The following PCDHA9 variants were observed in gnomAD, a reference collection of about 807,000 sequenced individuals.
The protein encoded by PCDHA9 is protocadherin alpha 9.
A neutral mutation model predicts 62.0 loss-of-function variants in PCDHA9; 62 were observed. The observed-to-expected ratio is 1.00, with a 90% CI of 0.81 to 1.23. PCDHA9 has a LOEUF of 1.23. Among genes scored for constraint, PCDHA9 ranks in the 50% most tolerant of loss-of-function variants. The probability of loss-of-function intolerance (pLI) is 0.00; values close to 1 mark genes in which losing one functional copy is unlikely to be tolerated. For synonymous variants in PCDHA9, 557 were observed against 567.6 expected (o/e 0.98, Z 0.27); for missense variants, 1,205 against 1,249.8 (o/e 0.96, Z 0.54).
chr5:140,967,927 C>T (rs782426020), intron 1 of PCDHA9: 3 of 1,614,228 alleles, frequency 1.9e-6, no homozygotes, highest in Non-Finnish European at 2.5e-6. Context: ...TGGCCGTTCT[C>T]AGTGTCAATG....
chr5:140,857,662 T>C lies in PCDHA9; in HGVS notation c.2394+6773T>C, dbSNP rs782577621. The C allele has an allele frequency of 7.5e-6, 12 of 1,596,412 alleles. 2 individuals are homozygous for C. The highest frequency in any genetic ancestry group is 6.7e-5 in the African/African-American group (5 of 74,166). On this transcript the variant is annotated intron_variant, in intron 1 of 3. Transcript: ENST00000532602. ...TACAGTTCCAGGTGAGCGCGCGCGA[T>C]GGGGGCGTGCCGCCTCTGGGCAGCA...
chr5:140,883,227 T>C (rs1367769120), intron 1 of PCDHA9: 2 of 1,613,830 alleles, frequency 1.2e-6, no homozygotes, highest in African/African-American at 2.7e-5. Flanking sequence ...GAAATATCCG[T>C]GGAGGCAGTT....
At chr5:140,958,746 G>A (rs946339571) in intron 1 of PCDHA9, among the ~76,000 whole-genome samples, 3 of 152,184 alleles carry the variant, frequency 2.0e-5, no homozygotes, top group African/African-American at 7.2e-5. Context: ...AGAGAGAAAG[G>A]AGATTTTTAC....
intron 1 of PCDHA9, among the ~76,000 whole-genome samples, chr5:140,873,370 T>A (rs2054256707): frequency 6.6e-6 from 1 of 152,166 alleles, no homozygotes; most frequent in Non-Finnish European, 1.5e-5. Flanking sequence ...TAACTGAAGA[T>A]CTTTTAAAGA....
intron 1 of PCDHA9, chr5:140,855,801 T>C: frequency 2.1e-6 from 1 of 474,526 alleles, no homozygotes. Context: ...AACATATGAA[T>C]GAAAGAAAAG....
chr5:140,897,548 A>G (rs1417180451), intron 1 of PCDHA9, among the ~76,000 whole-genome samples: 6 of 152,098 alleles, frequency 3.9e-5, no homozygotes, highest in Admixed American at 2.6e-4. Context: ...ATAGTCTTCC[A>G]TGGTGTATAT....
chr5:140,956,775 C>T (rs1176979643), intron 1 of PCDHA9, among the ~76,000 whole-genome samples: 1 of 152,112 alleles, frequency 6.6e-6, no homozygotes, highest in Non-Finnish European at 1.5e-5. Context: ...CTGTCTGGTC[C>T]TGGGCTTTGT....
chr5:140,999,987 G>T (rs1033618024), intron 3 of PCDHA9, among the ~76,000 whole-genome samples: 6 of 152,042 alleles, frequency 3.9e-5, no homozygotes, highest in Non-Finnish European at 7.4e-5. Context: ...CGGCCTCTGG[G>T]TAGTGGTATT....
intron 1 of PCDHA9, among the ~76,000 whole-genome samples, chr5:140,939,224 C>T (rs761211778): frequency 8.5e-5 from 13 of 152,130 alleles, no homozygotes; most frequent in Admixed American, 4.6e-4. Context: ...TGTCTCTTCA[C>T]CTTCTGGAAG....
Position 140,856,096 on chromosome 5 carries a change from G to C in PCDHA9, c.2394+5207G>C, listed in dbSNP as rs1031755500. The C allele has an allele frequency of 1.1e-5, 17 of 1,597,460 alleles. 1 individual carries two copies. The Admixed American group carries it at 2.5e-4, about 24-fold the overall frequency. On this transcript the variant is annotated intron_variant, in intron 1 of 3. Coordinates refer to ENST00000532602, the MANE Select transcript of PCDHA9 (RefSeq NM_031857.2). Reference sequence around the variant, plus strand: ...TGGGGGTCCAGTGTCTGCTGCTCTCGCTTCTTCTCCTCGCAGCCTGGGAGG... The same window carrying C: ...TGGGGGTCCAGTGTCTGCTGCTCTCCCTTCTTCTCCTCGCAGCCTGGGAGG...
chr5:140,964,689 GAGAGATTA>G (rs781865484), intron 1 of PCDHA9, among the ~76,000 whole-genome samples: 4 of 152,008 alleles, frequency 2.6e-5, no homozygotes, highest in Non-Finnish European at 5.9e-5. Context: ...TTGTGCACTT[GAGAGATTA>G]AGGCCTCCGA....
At chr5:140,873,291 T>G (rs1392246125) in intron 1 of PCDHA9, among the ~76,000 whole-genome samples, 1 of 152,198 alleles carries the variant, frequency 6.6e-6, no homozygotes, top group Admixed American at 6.5e-5. Context: ...TTATGAAACT[T>G]TATAAATATA....
intron 1 of PCDHA9, among the ~76,000 whole-genome samples, chr5:140,874,733 A>G (rs929245096): frequency 6.6e-6 from 1 of 152,244 alleles, no homozygotes; most frequent in Non-Finnish European, 1.5e-5. Context: ...TATCACATTC[A>G]AGCATCAAGG....
chr5:141,010,285 C>G lies in PCDHA9; in HGVS notation c.*348C>G, dbSNP rs1214485732. ...CTCCGGGGATCCTGTCTTGATGACA[C>G]TTGCAGGGCAGGCTGAAAAGTTTTG... On this transcript the variant is annotated 3_prime_UTR_variant, in exon 4 of 4. Transcript: ENST00000532602. 1.3e-6 allele frequency: 2 copies of G among 1,550,576 alleles called. No individual in the cohort carries two copies. Among genetic ancestry groups the G allele is most frequent in the Non-Finnish European group, 1.7e-6 (2 of 1,146,690 alleles).
chr5:140,987,336 A>G (rs2097249605), intron 3 of PCDHA9, among the ~76,000 whole-genome samples: 1 of 152,200 alleles, frequency 6.6e-6, no homozygotes, highest in Admixed American at 6.5e-5. Context: ...GAACTGGTCT[A>G]AGGTAAATAT....
chr5:140,857,882 T>A, intron 1 of PCDHA9: 1 of 1,597,334 alleles, frequency 6.3e-7, no homozygotes, highest in Non-Finnish European at 8.6e-7. Flanking sequence ...TGAATTGCAG[T>A]CGGCGGCGGT....
chr5:140,869,125 G>T (rs371936789), intron 1 of PCDHA9: 4 of 1,611,550 alleles, frequency 2.5e-6, no homozygotes, highest in East Asian at 4.5e-5. Context: ...TCAGAGAAGG[G>T]GATTGGGCAC....
Position 140,850,070 on chromosome 5 carries a change from C to G in PCDHA9, c.1575C>G (p.His525Gln). 1 of 1,596,564 alleles carries G rather than the reference C, an allele frequency of 6.3e-7. No individual in the cohort carries two copies. The highest frequency in any genetic ancestry group is 8.6e-7 in the Non-Finnish European group (1 of 1,167,856). ...TGTACGCGCTGCAGCCGTTGGACCA[C>G]GAGGAGCTGGAGCTGCTACAGTTCC... Reference protein sequence around the residue: ...GKVYALQPLDHEELELLQFQV... With the variant: ...GKVYALQPLDQEELELLQFQV... Residue 525 changes from histidine (H) to glutamine (Q), a missense_variant, in exon 1 of 4, where the codon CAC (histidine) becomes CAG (glutamine). His to Gln is a conservative substitution (Grantham distance 24). This residue lies in a region of PCDHA9 where 887 missense variants were observed against 809.5 expected (regional missense o/e 1.10). Coordinates refer to ENST00000532602, the MANE Select transcript of PCDHA9 (RefSeq NM_031857.2).
chr5:140,967,273 A>G lies in PCDHA9; in HGVS notation c.2395-11676A>G, dbSNP rs2096121712. The G allele has an allele frequency of 1.9e-6, 3 of 1,613,332 alleles. No individual in the cohort carries two copies. Among genetic ancestry groups the G allele is most frequent in the South Asian group, 2.2e-5 (2 of 91,074 alleles). On this transcript the variant is annotated intron_variant, in intron 1 of 3. Transcript: ENST00000532602. ...TGGCGCCTGGAGCGCGCTTTCACAT[A>G]GAGAGTGCGCAGGACCCCGACGTGG...
Sources: allele counts gnomAD v4.1 joint callset (sites outside exome capture counted in the v4.1 genomes callset), GRCh38; gene constraint gnomAD v4.1.1; regional missense constraint gnomAD v4.1.1; transcripts MANE v1.5; gene names NCBI Gene and HGNC (gene_info 2026-07-23, HGNC 2026-07-21).